Variants in NRXN1 observed in about 807,000 individuals in gnomAD.
NRXN1 encodes neurexin-1.
A neutral mutation model predicts 150.9 loss-of-function variants in NRXN1; 39 were observed. The ratio of observed to expected loss-of-function variants is 0.26; its 90% CI spans 0.20 to 0.34. NRXN1 has a LOEUF of 0.34. Among genes scored for constraint, NRXN1 ranks in the 10% least tolerant of loss-of-function variants. The pLI, the probability that NRXN1 is intolerant of heterozygous loss-of-function variation, is 1.00. For synonymous variants in NRXN1, 924 were observed against 757.0 expected (o/e 1.22, Z -3.62); for missense variants, 1,815 against 1,949.9 (o/e 0.93, Z 1.30).
At chr2:50,833,276 T>A (rs919040540) in intron 5 of NRXN1, among the ~76,000 whole-genome samples, 2 of 152,186 alleles carry the variant, frequency 1.3e-5, no homozygotes, top group Non-Finnish European at 2.9e-5. Flanking sequence ...TTTGGCAGTA[T>A]CCTATAAAAT....
intron 19 of NRXN1, among the ~76,000 whole-genome samples, chr2:50,071,297 C>G (rs17496539): frequency 0.092 from 14,073 of 152,266 alleles, 749 homozygotes; most frequent in Middle Eastern, 0.17. Flanking sequence ...CCTACACATA[C>G]TTAAAGACTG....
intron 17 of NRXN1, among the ~76,000 whole-genome samples, chr2:50,354,317 A>C (rs556479779): frequency 6.6e-6 from 1 of 151,986 alleles, no homozygotes; most frequent in South Asian, 2.1e-4. Context: ...ACCAGTGGCT[A>C]TGAGCAGGAA....
intron 17 of NRXN1, among the ~76,000 whole-genome samples, chr2:50,289,561 G>C (rs1013326479): frequency 6.6e-6 from 1 of 152,034 alleles, no homozygotes; most frequent in Non-Finnish European, 1.5e-5. Context: ...TGTATTATTT[G>C]GCTTCTTTCC....
At chr2:50,987,745 A>G (rs1237458181) in intron 2 of NRXN1, among the ~76,000 whole-genome samples, 2 of 151,920 alleles carry the variant, frequency 1.3e-5, no homozygotes, top group Admixed American at 6.6e-5. Context: ...TTGTCCATGA[A>G]TCAATAATAA....
intron 18 of NRXN1, among the ~76,000 whole-genome samples, chr2:50,193,169 AT>A (rs1374175071): frequency 7.2e-5 from 11 of 152,190 alleles, no homozygotes; most frequent in African/African-American, 2.7e-4. Flanking sequence ...TTTCATAAAA[AT>A]AATTCCATTT....
intron 5 of NRXN1, among the ~76,000 whole-genome samples, chr2:50,828,153 A>AGG (rs1269978378): frequency 3.3e-5 from 5 of 151,364 alleles, no homozygotes; most frequent in African/African-American, 9.7e-5. Flanking sequence ...GGCCGGGCAG[A>AGG]GGGGCTCCTC....
chr2:50,803,341 G>A (rs1389832613), intron 5 of NRXN1, among the ~76,000 whole-genome samples: 2 of 152,098 alleles, frequency 1.3e-5, no homozygotes, highest in Non-Finnish European at 2.9e-5. Context: ...CTATTACAGA[G>A]AAGACTGGAG....
chr2:50,053,001 T>A (rs929769166), intron 21 of NRXN1, among the ~76,000 whole-genome samples: 4 of 152,150 alleles, frequency 2.6e-5, no homozygotes, highest in African/African-American at 9.7e-5. Context: ...CTACTCAGCT[T>A]GGGCCAGAGG....
chr2:50,892,092 C>A (rs1227838299), intron 5 of NRXN1, among the ~76,000 whole-genome samples: 20 of 151,970 alleles, frequency 1.3e-4, no homozygotes, highest in Non-Finnish European at 5.9e-5. Flanking sequence ...AGTTCTGAAG[C>A]CTTTATTTCA....
intron 5 of NRXN1, among the ~76,000 whole-genome samples, chr2:50,880,322 A>G (rs2103676416): frequency 6.6e-6 from 1 of 152,108 alleles, no homozygotes; most frequent in South Asian, 2.1e-4. Flanking sequence ...AATAAGGAGT[A>G]TATGTATTCT....
intron 17 of NRXN1, among the ~76,000 whole-genome samples, chr2:50,457,890 T>C (rs915850399): frequency 1.3e-5 from 2 of 152,142 alleles, no homozygotes; most frequent in African/African-American, 4.8e-5. Flanking sequence ...GGTGGAAATG[T>C]GAATTAGTAC....
At chr2:50,122,216 G>A (rs1703958597) in intron 18 of NRXN1, among the ~76,000 whole-genome samples, 1 of 152,162 alleles carries the variant, frequency 6.6e-6, no homozygotes, top group Non-Finnish European at 1.5e-5. Context: ...TCACTTATCT[G>A]AATGTGACAA....
At chr2:50,473,936 A>G (rs1469297893) in intron 15 of NRXN1, among the ~76,000 whole-genome samples, 1 of 152,018 alleles carries the variant, frequency 6.6e-6, no homozygotes, top group Admixed American at 6.6e-5. Flanking sequence ...TGGCATACTC[A>G]AAGTCATTCA....
chr2:50,244,647 C>CA (rs1289596270), intron 17 of NRXN1, among the ~76,000 whole-genome samples: 2 of 151,668 alleles, frequency 1.3e-5, no homozygotes, highest in African/African-American at 4.8e-5. Flanking sequence ...AATATTAGGG[C>CA]AAAATAGTTT....
intron 18 of NRXN1, among the ~76,000 whole-genome samples, chr2:50,118,585 T>TGTAA (rs542673606): frequency 1.1e-3 from 165 of 152,316 alleles, no homozygotes; most frequent in African/African-American, 3.8e-3. Context: ...ATTTTGCTTT[T>TGTAA]GTAAGTAGCT....
At chr2:49,924,811 T>G (rs1032598342) in intron 22 of NRXN1, among the ~76,000 whole-genome samples, 3 of 152,330 alleles carry the variant, frequency 2.0e-5, no homozygotes, top group South Asian at 2.1e-4. Flanking sequence ...AATAAACATG[T>G]TATCTTTCTT....
chr2:50,038,295 T>TA (rs1168405024), intron 21 of NRXN1, among the ~76,000 whole-genome samples: 3 of 152,218 alleles, frequency 2.0e-5, no homozygotes, highest in African/African-American at 4.8e-5. Flanking sequence ...GGGCTAGACT[T>TA]ACAGCAGCCA....
At chr2:50,927,904 C>G (rs1687146581) in intron 2 of NRXN1, among the ~76,000 whole-genome samples, 1 of 151,654 alleles carries the variant, frequency 6.6e-6, no homozygotes, top group East Asian at 1.9e-4. Flanking sequence ...AAAAGCAAAC[C>G]AACAAAATGA....
At chr2:49,994,732 G>A (rs1262555181) in intron 21 of NRXN1, among the ~76,000 whole-genome samples, 1 of 152,200 alleles carries the variant, frequency 6.6e-6, no homozygotes, top group Non-Finnish European at 1.5e-5. Flanking sequence ...GGCCAGTCAT[G>A]CTCATTCATT....
Sources: gnomAD v4.1 joint callset for allele counts (sites outside exome capture counted in the v4.1 genomes callset) on GRCh38, gnomAD v4.1.1 for gene constraint, MANE v1.5 for transcripts, NCBI Gene and HGNC (gene_info 2026-07-23, HGNC 2026-07-21) for gene names.